HSF5: variants seen among roughly 807,000 people sequenced by gnomAD.
The protein encoded by HSF5 is heat shock factor protein 5.
In HSF5, 5 loss-of-function variants were observed where a neutral mutation model predicts 50.8. That is an observed-to-expected ratio of 0.10 (90% CI 0.05 to 0.21). HSF5 has a LOEUF of 0.21. HSF5 is among the 10% of genes least tolerant of loss of function. HSF5 has a pLI of 1.00. For synonymous variants in HSF5, 307 were observed against 307.4 expected, an observed-to-expected ratio of 1.00 and a Z score of 0.02; for missense variants, 564 against 762.6, an observed-to-expected ratio of 0.74 and a Z score of 3.07.
At position 58,480,880 on chromosome 17, in the gene HSF5, C is replaced by T. The variant is rs139181657; in HGVS notation, c.551-613G>A. Among the ~76,000 whole-genome samples, 885 of 152,196 alleles carry T rather than the reference C, an allele frequency of 5.8e-3. 5 individuals are homozygous for T. Among genetic ancestry groups the T allele is most frequent in the African/African-American group, 9.4e-3 (389 of 41,526 alleles). On this transcript the variant is annotated intron_variant, in intron 1 of 5. Transcript: ENST00000323777. Reference sequence around the variant, plus strand: ...TTGGCTCACTCTAGCCTCAAACTTCCAGGCTCAAGCAATCCTCCCACCTCA... The same window carrying T: ...TTGGCTCACTCTAGCCTCAAACTTCTAGGCTCAAGCAATCCTCCCACCTCA...
chr17:58,459,056 T>A, intron 4 of HSF5, 111 bp from the exon 5 acceptor site: 1 of 913,792 alleles, frequency 1.1e-6, no homozygotes, highest in Non-Finnish European at 1.7e-6. Context: ...ACAAACAAGC[T>A]TATAAGGCTT....
intron 5 of HSF5, among the ~76,000 whole-genome samples, chr17:58,425,870 T>A (rs1347673897): frequency 6.6e-6 from 1 of 152,196 alleles, no homozygotes; most frequent in Admixed American, 6.5e-5. Flanking sequence ...TGGGACTTTT[T>A]AAAAATTACT....
Position 58,452,198 on chromosome 17 carries a change from T to C in HSF5, c.1720+6570A>G, listed in dbSNP as rs146563484. Among the ~76,000 whole-genome samples the C allele has an allele frequency of 4.7e-3, 708 of 151,470 alleles. 7 individuals are homozygous for C. The highest frequency in any genetic ancestry group is 0.016 in the African/African-American group (673 of 41,320). On this transcript the variant is annotated intron_variant, in intron 5 of 5. Transcript: ENST00000323777. ...CCAGGAGTTCAAGGTTGCAGTGAGC[T>C]ATTATCGTGCCACTGTACTACAGCT...
intron 5 of HSF5, among the ~76,000 whole-genome samples, chr17:58,431,300 C>T (rs1038620629): frequency 3.3e-5 from 5 of 152,144 alleles, no homozygotes; most frequent in Admixed American, 6.5e-5. Context: ...ATGGTATAGC[C>T]TATTTCTCTT....
At chr17:58,485,565 A>G (rs1038002907) in intron 1 of HSF5, among the ~76,000 whole-genome samples, 1 of 150,148 alleles carries the variant, frequency 6.7e-6, no homozygotes, top group Non-Finnish European at 1.5e-5. Flanking sequence ...TGGGCAACAG[A>G]GTGAAACCCT....
intron 2 of HSF5, chr17:58,476,647 T>C: frequency 6.4e-7 from 1 of 1,558,412 alleles, no homozygotes; most frequent in Non-Finnish European, 8.8e-7. Context: ...CAGTGCCTCT[T>C]CGTCCTCCTC....
At chr17:58,438,266 A>G (rs1280538496) in intron 5 of HSF5, among the ~76,000 whole-genome samples, 2 of 152,260 alleles carry the variant, frequency 1.3e-5, no homozygotes, top group East Asian at 1.9e-4. Context: ...TATTCAATAC[A>G]GTAACATGCT....
At position 58,479,912 on chromosome 17, in the gene HSF5, C is replaced by T. The variant is rs368217183; in HGVS notation, c.906G>A (p.Ser302=). The change falls in exon 2 of 6, where the codon TCG becomes TCA. Residue 302 remains serine, a synonymous_variant. Coordinates refer to ENST00000323777, the MANE Select transcript of HSF5 (RefSeq NM_001080439.3). The stretch of plus-strand genomic sequence containing the variant: ...TCATACCTGTTGGATAGTAGGCTTG[C>T]GAGTACTGTGCTGAGGGTGTGTAGT... ...YSNYTPSAQY[S]QAYYPTAVLQ... is the part of the protein sequence containing the mutation. 59 of 1,612,684 alleles carry T rather than the reference C, an allele frequency of 3.7e-5. No homozygotes were observed. Among genetic ancestry groups the T allele is most frequent in the African/African-American group, 6.7e-5 (5 of 74,874 alleles).
chr17:58,456,113 T>A (rs1263169354), intron 5 of HSF5, among the ~76,000 whole-genome samples: 1 of 149,236 alleles, frequency 6.7e-6, no homozygotes, highest in African/African-American at 2.5e-5. Context: ...AAAGAAAATG[T>A]GATATATATA....
At chr17:58,449,728 T>C (rs867851967) in intron 5 of HSF5, among the ~76,000 whole-genome samples, 1 of 147,168 alleles carries the variant, frequency 6.8e-6, no homozygotes, top group Non-Finnish European at 1.5e-5. Flanking sequence ...TTTTTTAATT[T>C]TAAAAAGATA....
chr17:58,472,758 G>A (rs1429042913), intron 2 of HSF5, among the ~76,000 whole-genome samples: 1 of 152,134 alleles, frequency 6.6e-6, no homozygotes. Flanking sequence ...CACTATGCTA[G>A]GTGTAGGGGG....
At chr17:58,427,602 T>C (rs1020153821) in intron 5 of HSF5, among the ~76,000 whole-genome samples, 6 of 152,240 alleles carry the variant, frequency 3.9e-5, no homozygotes, top group Non-Finnish European at 8.8e-5. Context: ...TTAATGATAA[T>C]GACAGATGAA....
At chr17:58,449,378 A>G (rs992198777) in intron 5 of HSF5, among the ~76,000 whole-genome samples, 1 of 152,238 alleles carries the variant, frequency 6.6e-6, no homozygotes, top group African/African-American at 2.4e-5. Flanking sequence ...TATGCTACCT[A>G]TAAGAAACTC....
chr17:58,433,842 C>A (rs1449735657), intron 5 of HSF5, among the ~76,000 whole-genome samples: 1 of 149,020 alleles, frequency 6.7e-6, no homozygotes, highest in East Asian at 2.0e-4. Flanking sequence ...TTCCAAGGAG[C>A]TTTGCTCTAA....
rs139462863 is a variant in HSF5 at position 58,442,063 on chromosome 17, A to T, written c.1720+16705T>A. On this transcript the variant is annotated intron_variant, in intron 5 of 5. Transcript: ENST00000323777. ...ACTTTAAGCAGGATGCCATAATTGTATGGGTCTTTGGCATTGTCTCTCTTG... is the reference window on the plus strand; with the variant it reads ...ACTTTAAGCAGGATGCCATAATTGTTTGGGTCTTTGGCATTGTCTCTCTTG... 3.1e-4 allele frequency among the ~76,000 whole-genome samples: 47 copies of T among 152,314 alleles called. 1 individual carries two copies. In the South Asian group the frequency reaches 8.7e-3, roughly 28 times the overall value.
chr17:58,476,760 G>T, intron 2 of HSF5: 4 of 1,598,270 alleles, frequency 2.5e-6, no homozygotes, highest in Non-Finnish European at 3.4e-6. Flanking sequence ...AATGGTTGGC[G>T]GAGTTTGTTA....
At chr17:58,430,094 G>A (rs551702361) in intron 5 of HSF5, among the ~76,000 whole-genome samples, 1 of 151,764 alleles carries the variant, frequency 6.6e-6, no homozygotes, top group African/African-American at 2.4e-5. Context: ...TTTTCAGATG[G>A]AGTCTCACTC....
chr17:58,473,568 A>ATAAAAAGAGTCAAC (rs1208684785), intron 2 of HSF5, among the ~76,000 whole-genome samples: 1 of 152,224 alleles, frequency 6.6e-6, no homozygotes, highest in Admixed American at 6.5e-5. Flanking sequence ...TAAAGCAAGA[A>ATAAAAAGAGTCAAC]TAAAAAGAGT....
chr17:58,476,868 G>C, intron 2 of HSF5: 2 of 1,175,310 alleles, frequency 1.7e-6, no homozygotes, highest in Admixed American at 2.2e-5. Flanking sequence ...GCTTCTTGCT[G>C]TTTTTTTTTT....
Sources: gnomAD v4.1 joint callset for allele counts (sites outside exome capture counted in the v4.1 genomes callset) on GRCh38, gnomAD v4.1.1 for gene constraint, MANE v1.5 for transcripts, NCBI Gene and HGNC (gene_info 2026-07-23, HGNC 2026-07-21) for gene names.